LARGE1: variants seen among roughly 807,000 people sequenced by gnomAD.
LARGE1 encodes xylosyl- and glucuronyltransferase LARGE1.
Under a neutral mutation model 87.6 loss-of-function variants are expected in LARGE1, and 43 were observed. The observed-to-expected ratio is 0.49, with a 90% confidence interval of 0.38 to 0.63. The LOEUF (loss-of-function observed/expected upper bound fraction) is 0.63. Among genes scored for constraint, LARGE1 ranks in the 30% least tolerant of loss-of-function variants. LARGE1 has a pLI of 0.00. For missense variants in LARGE1, 802 were observed against 1,000.2 expected (o/e 0.80, Z 2.67); for synonymous variants, 434 against 394.6 (o/e 1.10, Z -1.18).
rs148928460 is a variant in LARGE1 at position 33,330,047 on chromosome 22, A to C, written c.1287+7599T>G. On this transcript the variant is annotated intron_variant, in intron 10 of 14. Transcript: ENST00000397394. Reference sequence around the variant, plus strand: ...CAACAAAACCTAGACTCCAGAGGACAGGGCTCAGATCAGTGGGTTCTTTAC... The same window carrying C: ...CAACAAAACCTAGACTCCAGAGGACCGGGCTCAGATCAGTGGGTTCTTTAC... 2.1e-3 allele frequency among the ~76,000 whole-genome samples: 323 copies of C among 152,248 alleles called. 3 individuals are homozygous for C. In the South Asian group the frequency reaches 0.031, roughly 15 times the overall value.
At chr22:33,763,525 A>C (rs901109231) in intron 1 of LARGE1, among the ~76,000 whole-genome samples, 1 of 152,202 alleles carries the variant, frequency 6.6e-6, no homozygotes, top group Non-Finnish European at 1.5e-5. Flanking sequence ...CCAGTCACAG[A>C]GAATAAGAAC....
chr22:33,460,023 G>T (rs1025420196), intron 6 of LARGE1, among the ~76,000 whole-genome samples: 1 of 152,364 alleles, frequency 6.6e-6, no homozygotes, highest in South Asian at 2.1e-4. Flanking sequence ...TACACACACA[G>T]TGAGACAATG....
At chr22:33,600,674 AG>A (rs1443211991) in intron 5 of LARGE1, among the ~76,000 whole-genome samples, 6 of 152,178 alleles carry the variant, frequency 3.9e-5, no homozygotes, top group African/African-American at 1.4e-4. Context: ...CTGGAGAGTG[AG>A]GAAGGACGCA....
At chr22:33,790,901 T>A (rs2085801197) in intron 1 of LARGE1, among the ~76,000 whole-genome samples, 1 of 152,240 alleles carries the variant, frequency 6.6e-6, no homozygotes, top group African/African-American at 2.4e-5. Context: ...TTCAGAAGTT[T>A]CAATCCTTTT....
chr22:33,462,063 T>C (rs909303992), intron 6 of LARGE1, among the ~76,000 whole-genome samples: 5 of 152,234 alleles, frequency 3.3e-5, no homozygotes, highest in African/African-American at 1.2e-4. Context: ...GGTAATTTAT[T>C]ATTCATGAAT....
chr22:33,371,137 C>G (rs188437132), intron 9 of LARGE1, among the ~76,000 whole-genome samples: 74 of 150,638 alleles, frequency 4.9e-4, no homozygotes, highest in African/African-American at 1.7e-3. Context: ...TATGCTGTAT[C>G]TACATAGTAA....
In LARGE1 at chr22:33,513,711, C is replaced by T. The variant is rs143859572; in HGVS notation, c.787+51137G>A. Among the ~76,000 whole-genome samples the T allele has an allele frequency of 2.2e-4, 33 of 152,012 alleles. 1 individual carries two copies. The highest frequency in any genetic ancestry group is 7.5e-4 in the African/African-American group (31 of 41,480). On this transcript the variant is annotated intron_variant, in intron 6 of 14. Coordinates refer to ENST00000397394, the MANE Select transcript of LARGE1 (RefSeq NM_133642.5). The stretch of plus-strand genomic sequence containing the variant: ...AGAGTTCATTTTTCTAATCCCGGAA[C>T]GCTCCCACATGTGAAAAAGCAGCAT...
At chr22:33,323,860 T>C (rs1236649603) in intron 10 of LARGE1, among the ~76,000 whole-genome samples, 1 of 152,230 alleles carries the variant, frequency 6.6e-6, no homozygotes, top group African/African-American at 2.4e-5. Flanking sequence ...ATGTACCTTT[T>C]CAAATTCTAA....
In LARGE1 at chr22:33,185,272, G is replaced by A. The variant is rs186024745; in HGVS notation, c.1731-18440C>T. On this transcript the variant is annotated intron_variant, in intron 11 of 11. Coordinates refer to the LARGE1 transcript ENST00000608642. The stretch of plus-strand genomic sequence containing the variant: ...AAAAAGACACGGAGAAAATTTAAGT[G>A]CATATTGCTAAGTGAAAGAAGCCAA... Among the ~76,000 whole-genome samples the A allele has an allele frequency of 4.3e-3, 650 of 152,230 alleles. 7 individuals carry two copies. The highest frequency in any genetic ancestry group is 7.2e-3 in the Non-Finnish European group (488 of 67,988).
At chr22:33,210,427 T>C (rs1342021267) in intron 11 of LARGE1, among the ~76,000 whole-genome samples, 2 of 152,372 alleles carry the variant, frequency 1.3e-5, no homozygotes, top group Admixed American at 6.5e-5. Context: ...CCGCCTGGGA[T>C]TGGCTCAGCC....
chr22:33,453,952 T>C (rs1260372990), intron 6 of LARGE1, among the ~76,000 whole-genome samples: 1 of 152,196 alleles, frequency 6.6e-6, no homozygotes, highest in Non-Finnish European at 1.5e-5. Flanking sequence ...AGGATCAGAA[T>C]CACAAATATC....
At chr22:33,556,964 C>T (rs1489059423) in intron 6 of LARGE1, among the ~76,000 whole-genome samples, 3 of 152,272 alleles carry the variant, frequency 2.0e-5, no homozygotes, top group African/African-American at 4.8e-5. Flanking sequence ...TGACATTGTG[C>T]CACTGCACTC....
chr22:33,827,134 G>A (rs577206388), intron 1 of LARGE1, among the ~76,000 whole-genome samples: 11 of 151,848 alleles, frequency 7.2e-5, no homozygotes, highest in African/African-American at 2.7e-4. Context: ...AGGCCGAGGC[G>A]GGCAGATCAT....
In LARGE1 at chr22:33,388,431, A is replaced by T. The variant is rs555854944; in HGVS notation, c.893-4127T>A. Reference sequence around the variant, plus strand: ...GCCATTACTGAGTCCACAGATTCTAAATTTAAAACACCTTTTACATTTCTT... The same window carrying T: ...GCCATTACTGAGTCCACAGATTCTATATTTAAAACACCTTTTACATTTCTT... On this transcript the variant is annotated intron_variant, in intron 7 of 14. Coordinates refer to ENST00000397394, the MANE Select transcript of LARGE1 (RefSeq NM_133642.5). 3.9e-5 allele frequency among the ~76,000 whole-genome samples: 6 copies of T among 152,318 alleles called. No individual in the cohort carries two copies. In the East Asian group the frequency reaches 1.2e-3, roughly 29 times the overall value.
At chr22:33,754,653 C>T (rs1489023585) in intron 2 of LARGE1, among the ~76,000 whole-genome samples, 1 of 152,064 alleles carries the variant, frequency 6.6e-6, no homozygotes, top group Admixed American at 6.5e-5. Flanking sequence ...CATTTTTGAT[C>T]CAATTTTTTA....
chr22:33,866,374 G>T (rs1239720272), intron 1 of LARGE1, among the ~76,000 whole-genome samples: 3 of 152,176 alleles, frequency 2.0e-5, no homozygotes, highest in Non-Finnish European at 2.9e-5. Context: ...TAAAAATTCA[G>T]TTCCTCAGTT....
the LARGE1 span, among the ~76,000 whole-genome samples, chr22:33,085,194 T>C: frequency 6.6e-6 from 1 of 152,216 alleles, no homozygotes; most frequent in Non-Finnish European, 1.5e-5. Context: ...GAGAATCACT[T>C]GAACCCGGGA....
intron 1 of LARGE1, among the ~76,000 whole-genome samples, chr22:33,862,293 T>C (rs549093663): frequency 6.6e-6 from 1 of 152,280 alleles, no homozygotes; most frequent in East Asian, 1.9e-4. Context: ...TAAGCTGCCA[T>C]GGGAGCAAAG....
intron 7 of LARGE1, among the ~76,000 whole-genome samples, chr22:33,418,800 C>T (rs5994739): frequency 0.095 from 14,508 of 152,216 alleles, 760 homozygotes; most frequent in Non-Finnish European, 0.12. Context: ...TCCTATGAGG[C>T]TGAATTTTGC....
Sources: gnomAD v4.1 joint callset for allele counts (sites outside exome capture counted in the v4.1 genomes callset) on GRCh38, gnomAD v4.1.1 for gene constraint, MANE v1.5 for transcripts, NCBI Gene and HGNC (gene_info 2026-07-23, HGNC 2026-07-21) for gene names.